The following GRID2 variants were observed in gnomAD, a reference collection of about 807,000 sequenced individuals.
The protein encoded by GRID2 is glutamate receptor ionotropic, delta-2.
In GRID2, 33 loss-of-function variants were observed where a neutral mutation model predicts 114.8. That is an observed-to-expected ratio of 0.29 (90% confidence interval 0.22 to 0.38). The LOEUF (loss-of-function observed/expected upper bound fraction) is 0.38, where lower values mean the gene tolerates loss of function less well. Ranked by LOEUF, GRID2 falls within the 10% of genes least tolerant of loss-of-function variation. GRID2 has a pLI of 1.00. For missense variants in GRID2, 1,184 were observed against 1,257.7 expected, an observed-to-expected ratio of 0.94 and a Z score of 0.89; for synonymous variants, 505 against 449.9, an observed-to-expected ratio of 1.12 and a Z score of -1.55.
At chr4:93,471,499 C>T (rs968386389) in intron 11 of GRID2, among the ~76,000 whole-genome samples, 7 of 151,750 alleles carry the variant, frequency 4.6e-5, no homozygotes, top group South Asian at 4.1e-4. Flanking sequence ...AGATCCTAAC[C>T]GGATGATCTA....
At chr4:93,669,748 T>C (rs1031678168) in intron 14 of GRID2, among the ~76,000 whole-genome samples, 1 of 152,124 alleles carries the variant, frequency 6.6e-6, no homozygotes, top group Non-Finnish European at 1.5e-5. Context: ...AGACAGTATA[T>C]AGGTACAGTT....
At chr4:93,457,731 A>G (rs867839756) in intron 11 of GRID2, among the ~76,000 whole-genome samples, 1 of 152,182 alleles carries the variant, frequency 6.6e-6, no homozygotes, top group Non-Finnish European at 1.5e-5. Context: ...GTACTGAAGA[A>G]AAAAGGAGAT....
At chr4:93,725,402 G>T (rs1021642149) in intron 14 of GRID2, among the ~76,000 whole-genome samples, 1 of 152,120 alleles carries the variant, frequency 6.6e-6, no homozygotes, top group Non-Finnish European at 1.5e-5. Flanking sequence ...ATTTGGGTTG[G>T]TTCCAAGTCT....
chr4:92,651,655 C>A (rs1169017280), intron 2 of GRID2, among the ~76,000 whole-genome samples: 1 of 152,058 alleles, frequency 6.6e-6, no homozygotes, highest in Non-Finnish European at 1.5e-5. Context: ...ATGTTCCTTC[C>A]AAGTCCCAGA....
intron 2 of GRID2, among the ~76,000 whole-genome samples, chr4:92,768,997 C>T (rs1287310338): frequency 6.6e-6 from 1 of 152,200 alleles, no homozygotes; most frequent in African/African-American, 2.4e-5. Context: ...CTCCCAAAGT[C>T]TTATTTCATC....
chr4:93,709,224 C>T (rs1317773370), intron 14 of GRID2, among the ~76,000 whole-genome samples: 2 of 152,064 alleles, frequency 1.3e-5, no homozygotes, highest in South Asian at 4.1e-4. Flanking sequence ...TGTTTACTTC[C>T]TTTTCTTTCA....
At chr4:92,324,824 TA>T (rs71579551) in intron 1 of GRID2, among the ~76,000 whole-genome samples, 9,945 of 152,006 alleles carry the variant, frequency 0.065, 366 homozygotes, top group Middle Eastern at 0.14. Context: ...ACATAGTTTG[TA>T]ATTATGTTAA....
chr4:93,326,680 C>A (rs1337266564), intron 8 of GRID2, among the ~76,000 whole-genome samples: 1 of 151,950 alleles, frequency 6.6e-6, no homozygotes, highest in Non-Finnish European at 1.5e-5. Flanking sequence ...TTGTATTACA[C>A]CTCATGCTTC....
intron 2 of GRID2, among the ~76,000 whole-genome samples, chr4:92,832,162 G>A (rs917308685): frequency 2.6e-5 from 4 of 151,438 alleles, no homozygotes; most frequent in Admixed American, 6.6e-5. Flanking sequence ...AAATGAGACC[G>A]GGCATGGTGG....
At chr4:93,651,613 A>C (rs908107822) in intron 14 of GRID2, among the ~76,000 whole-genome samples, 1 of 152,176 alleles carries the variant, frequency 6.6e-6, no homozygotes, top group Admixed American at 6.5e-5. Context: ...GTCTAATATG[A>C]AAAATAACTT....
At chr4:93,779,803 A>C (rs11941949) in intron 1 of GRID2, among the ~76,000 whole-genome samples, 48,151 of 152,132 alleles carry the variant, frequency 0.32, 7,935 homozygotes, top group Middle Eastern at 0.44. Flanking sequence ...GTTGGGAAGA[A>C]TGTTCAGAGG....
At chr4:93,803,762 C>T (rs994864572) in intron 1 of GRID2, among the ~76,000 whole-genome samples, 1 of 152,024 alleles carries the variant, frequency 6.6e-6, no homozygotes, top group African/African-American at 2.4e-5. Context: ...ATATACTACA[C>T]AAATTTATCA....
chr4:92,701,794 G>GT (rs1734688075), intron 2 of GRID2, among the ~76,000 whole-genome samples: 1 of 151,996 alleles, frequency 6.6e-6, no homozygotes, highest in Non-Finnish European at 1.5e-5. Context: ...TTCCTCCTAG[G>GT]TAACACTGCA....
intron 4 of GRID2, among the ~76,000 whole-genome samples, chr4:93,118,390 A>G (rs545482379): frequency 2.6e-5 from 4 of 152,338 alleles, no homozygotes; most frequent in South Asian, 2.1e-4. Context: ...AAAGCTCAAC[A>G]ATGATAAGGG....
At chr4:93,617,823 A>T (rs902674928) in intron 13 of GRID2, among the ~76,000 whole-genome samples, 1 of 152,220 alleles carries the variant, frequency 6.6e-6, no homozygotes, top group African/African-American at 2.4e-5. Flanking sequence ...GGGGTGATTC[A>T]TTATTGTGAA....
chr4:92,907,453 C>T (rs1748041052), intron 2 of GRID2, among the ~76,000 whole-genome samples: 3 of 152,060 alleles, frequency 2.0e-5, no homozygotes, highest in Admixed American at 2.0e-4. Flanking sequence ...CTCTTGTTTC[C>T]CAGGCTGTAG....
chr4:93,575,051 T>C (rs899591977), intron 13 of GRID2, among the ~76,000 whole-genome samples: 2 of 152,140 alleles, frequency 1.3e-5, no homozygotes, highest in African/African-American at 2.4e-5. Flanking sequence ...ACATTTTACA[T>C]AGTGGTTCAG....
chr4:92,767,705 C>G lies in GRID2; in HGVS notation c.244+177419C>G, dbSNP rs140197611. 9.1e-3 allele frequency among the ~76,000 whole-genome samples: 1,371 copies of G among 151,228 alleles called. 20 individuals are homozygous for G. The highest frequency in any genetic ancestry group is 0.031 in the African/African-American group (1,268 of 41,126). ...GGTGGAATTTGCAGTGAACCGAGAC[C>G]ACACCACTGCACTCCAGTCTGGGCG... On this transcript the variant is annotated intron_variant, in intron 2 of 15. Coordinates refer to ENST00000282020, the MANE Select transcript of GRID2 (RefSeq NM_001510.4).
chr4:93,172,129 T>C (rs1381662962), intron 4 of GRID2, among the ~76,000 whole-genome samples: 1 of 152,178 alleles, frequency 6.6e-6, no homozygotes, highest in Non-Finnish European at 1.5e-5. Context: ...TAAAAACATA[T>C]ACCACAAGAA....
Sources: allele counts gnomAD v4.1 joint callset (sites outside exome capture counted in the v4.1 genomes callset), GRCh38; gene constraint gnomAD v4.1.1; transcripts MANE v1.5; gene names NCBI Gene and HGNC (gene_info 2026-07-23, HGNC 2026-07-21).